The following SEC24B variants were observed in gnomAD, a reference collection of about 807,000 sequenced individuals.
SEC24B encodes protein transport protein Sec24B.
In SEC24B, 45 loss-of-function variants were observed where a neutral mutation model predicts 142.8. That is an observed-to-expected ratio of 0.32 (90% CI 0.25 to 0.40). The LOEUF is 0.40. SEC24B is among the 10% of genes least tolerant of loss of function. The pLI, the probability that SEC24B is intolerant of heterozygous loss-of-function variation, is 1.00. For synonymous variants in SEC24B, 574 were observed against 568.2 expected (o/e 1.01, Z -0.15); for missense variants, 1,409 against 1,526.8 (o/e 0.92, Z 1.29).
At position 109,530,442 on chromosome 4, in the gene SEC24B, A is replaced by G. The variant is rs769475461; in HGVS notation, c.3230A>G (p.Tyr1077Cys). Reference sequence around the variant, plus strand: ...AGCTCCCTCAAGTTGTTTCCTCTCTATGTTTTGGCCCTTCTCAAACAGGTA... The same window carrying G: ...AGCTCCCTCAAGTTGTTTCCTCTCTGTGTTTTGGCCCTTCTCAAACAGGTA... ...APSSLKLFPL[Y>C]VLALLKQKAF... The change falls in exon 19 of 24, where the codon TAT becomes TGT. Residue 1077 changes from tyrosine to cysteine, a missense_variant. Tyr to Cys is a radical substitution (Grantham distance 194, BLOSUM62 -2). This residue lies in a region of SEC24B where 700 missense variants were observed against 853.3 expected (regional missense o/e 0.82). Transcript: ENST00000265175. 3 of 1,613,776 alleles carry G rather than the reference A, an allele frequency of 1.9e-6. No individual in the cohort carries two copies. Among genetic ancestry groups the G allele is most frequent in the Admixed American group, 1.7e-5 (1 of 59,966 alleles).
chr4:109,528,680 TA>T (rs1228231933), intron 18 of SEC24B, among the ~76,000 whole-genome samples: 2 of 152,190 alleles, frequency 1.3e-5, no homozygotes, highest in Non-Finnish European at 2.9e-5. Flanking sequence ...TATGTAAGTC[TA>T]AAAAAATCCT....
intron 1 of SEC24B, among the ~76,000 whole-genome samples, chr4:109,442,716 C>G (rs1445602029): frequency 6.6e-6 from 1 of 152,124 alleles, no homozygotes; most frequent in South Asian, 2.1e-4. Flanking sequence ...ATGGAAATCT[C>G]AGGAGTAGTC....
Position 109,463,013 on chromosome 4 carries a change from A to T in SEC24B, c.246A>T (p.Pro82=). The change falls in exon 2 of 24, where the codon CCA becomes CCT. Residue 82 remains proline, a synonymous_variant. Coordinates refer to ENST00000265175, the MANE Select transcript of SEC24B (RefSeq NM_006323.5). ...GACCTGGGAAAATGACCTCATTGCC[A>T]TTGGATACCCAGTGTGGTGATTACT... is the stretch of plus-strand genomic sequence containing the variant. The part of the protein sequence containing the change: ...SQGPGKMTSL[P]LDTQCGDYYS... The T allele has an allele frequency of 6.2e-7, 1 of 1,614,162 alleles. No individual in the cohort carries two copies. The highest frequency in any genetic ancestry group is 8.5e-7 in the Non-Finnish European group (1 of 1,180,008).
rs1212866086 is a variant in SEC24B at position 109,491,346 on chromosome 4, C to T, written c.1185C>T (p.Thr395=). 1 of 1,613,104 alleles carries T rather than the reference C, an allele frequency of 6.2e-7. No homozygotes were observed. Among genetic ancestry groups the T allele is most frequent in the African/African-American group, 1.3e-5 (1 of 74,868 alleles). ...DEEAGVDSSS[T]TSSASPMPNS... ...TTTTAGGTGTTGACAGCTCTTCTAC[C>T]ACAAGCAGTGCTTCTCCAATGCCCA... Residue 395 remains threonine, a synonymous_variant, in exon 5 of 24, where the codon ACC becomes ACT. Coordinates refer to ENST00000265175, the MANE Select transcript of SEC24B (RefSeq NM_006323.5).
intron 3 of SEC24B, among the ~76,000 whole-genome samples, chr4:109,474,439 T>C (rs1732879739): frequency 6.6e-6 from 1 of 151,756 alleles, no homozygotes; most frequent in South Asian, 2.1e-4. Flanking sequence ...TTTTTTTTTT[T>C]TGGAGTTGGG....
chr4:109,480,743 T>G (rs1199169035), intron 3 of SEC24B, among the ~76,000 whole-genome samples: 1 of 152,192 alleles, frequency 6.6e-6, no homozygotes, highest in Non-Finnish European at 1.5e-5. Flanking sequence ...CCTCCCAAAG[T>G]GCTGGGATTA....
chr4:109,469,351 A>G (rs1234536760), intron 2 of SEC24B, among the ~76,000 whole-genome samples: 1 of 152,116 alleles, frequency 6.6e-6, no homozygotes, highest in Non-Finnish European at 1.5e-5. Context: ...CGTGAAAGCT[A>G]ACTATGTTCC....
chr4:109,498,699 T>G (rs1056636323), intron 6 of SEC24B, among the ~76,000 whole-genome samples: 1 of 152,162 alleles, frequency 6.6e-6, no homozygotes, highest in Non-Finnish European at 1.5e-5. Flanking sequence ...GGTAATAATA[T>G]CTTAGCTTAG....
chr4:109,489,489 CTCTA>C (rs1469769277), intron 4 of SEC24B, among the ~76,000 whole-genome samples: 2 of 146,334 alleles, frequency 1.4e-5, no homozygotes, highest in African/African-American at 5.5e-5. Flanking sequence ...TTCTATTTAG[CTCTA>C]TCTAATTTTG....
chr4:109,489,152 T>C (rs978212526), intron 4 of SEC24B, among the ~76,000 whole-genome samples: 3 of 152,120 alleles, frequency 2.0e-5, no homozygotes, highest in Non-Finnish European at 2.9e-5. Flanking sequence ...GCTTGTACCT[T>C]TGATGTCATA....
chr4:109,444,759 A>G (rs1729283294), intron 1 of SEC24B, among the ~76,000 whole-genome samples: 1 of 152,158 alleles, frequency 6.6e-6, no homozygotes, highest in African/African-American at 2.4e-5. Flanking sequence ...GAGCAGCTCC[A>G]TTGAAAATAT....
intron 6 of SEC24B, among the ~76,000 whole-genome samples, chr4:109,498,842 G>A (rs1735809103): frequency 1.3e-5 from 2 of 151,892 alleles, no homozygotes; most frequent in Non-Finnish European, 2.9e-5. Context: ...ATTAAGTAGT[G>A]GGAAACCCTA....
rs770935635 is a variant in SEC24B at position 109,526,359 on chromosome 4, A to G, written c.2925A>G (p.Leu975=). The G allele has an allele frequency of 6.2e-7, 1 of 1,613,678 alleles. No individual in the cohort carries two copies. The highest frequency in any genetic ancestry group is 8.5e-7 in the Non-Finnish European group (1 of 1,179,680). ...AAGAAAGTTTAACAGATACTTCCTTAGTATGTTTTCAAACAGCCCTATTAT... is the reference window on the plus strand; with the variant it reads ...AAGAAAGTTTAACAGATACTTCCTTGGTATGTTTTCAAACAGCCCTATTAT... ...SIEESLTDTS[L]VCFQTALLYT... The change falls in exon 17 of 24, where the codon TTA becomes TTG. Residue 975 remains leucine (L), a synonymous_variant. Transcript: ENST00000265175.
At chr4:109,509,982 C>A (rs1183167053) in intron 7 of SEC24B, 27 bp from the exon 8 acceptor site, 1 of 1,398,490 alleles carries the variant, frequency 7.2e-7, no homozygotes. Flanking sequence ...TAGCTAATAT[C>A]CTCCATGTTG....
At chr4:109,509,975 C>G (rs767798343) in intron 7 of SEC24B, 34 bp from the exon 8 acceptor site, 66 of 1,326,954 alleles carry the variant, frequency 5.0e-5, no homozygotes, top group Admixed American at 4.0e-4. Flanking sequence ...TCTCTGATAG[C>G]TAATATCCTC....
intron 2 of SEC24B, among the ~76,000 whole-genome samples, chr4:109,470,725 A>G (rs903870747): frequency 6.6e-6 from 1 of 152,260 alleles, no homozygotes; most frequent in African/African-American, 2.4e-5. Context: ...AGCAGAATGA[A>G]TAAATAAATT....
Position 109,538,497 on chromosome 4 carries a change from A to G in SEC24B, c.3593A>G (p.His1198Arg). 2 of 1,608,526 alleles carry G rather than the reference A, an allele frequency of 1.2e-6. No individual in the cohort carries two copies. The highest frequency in any genetic ancestry group is 4.5e-5 in the East Asian group (2 of 44,810). ...NFASIPQKMT[H>R]LPELDTLSSE... is the part of the protein sequence containing the mutation. ...TAATTGTATTTCTTTTACCAGACAC[A>G]TCTTCCAGAGCTAGATACACTTTCA... Residue 1198 changes from histidine (H) to arginine (R), a missense_variant, in exon 23 of 24, where the codon CAT becomes CGT. Around this residue, in one of 2 missense-constraint regions of SEC24B, gnomAD observed 700 missense variants for 853.3 expected, o/e 0.82. Coordinates refer to ENST00000265175, the MANE Select transcript of SEC24B (RefSeq NM_006323.5).
intron 22 of SEC24B, among the ~76,000 whole-genome samples, chr4:109,535,742 T>G (rs1454526377): frequency 6.6e-6 from 1 of 151,260 alleles, no homozygotes; most frequent in Non-Finnish European, 1.5e-5. Flanking sequence ...GTCCCAGCTC[T>G]TAAGGAGGCT....
chr4:109,518,847 C>T (rs1723278481), intron 11 of SEC24B, among the ~76,000 whole-genome samples: 2 of 148,112 alleles, frequency 1.4e-5, no homozygotes, highest in African/African-American at 5.0e-5. Flanking sequence ...TGCTCTGTTC[C>T]CCAAGCTGGA....
Sources: gnomAD v4.1 joint callset for allele counts (sites outside exome capture counted in the v4.1 genomes callset) on GRCh38, gnomAD v4.1.1 for gene constraint, gnomAD v4.1.1 regional missense constraint, MANE v1.5 for transcripts, NCBI Gene and HGNC (gene_info 2026-07-23, HGNC 2026-07-21) for gene names.